KCNN2: variants seen among roughly 807,000 people sequenced by gnomAD.
KCNN2 encodes the protein potassium calcium-activated channel subfamily N member 2.
KCNN2 carries 24 observed loss-of-function variants against 55.5 expected under a neutral mutation model. That is an observed-to-expected ratio of 0.43 (90% CI 0.31 to 0.61). The LOEUF (loss-of-function observed/expected upper bound fraction) is 0.61, where lower values mean the gene tolerates loss of function less well. Among genes scored for constraint, KCNN2 ranks in the 20% least tolerant of loss-of-function variants. KCNN2 has a pLI of 0.08. For synonymous variants in KCNN2, 431 were observed against 336.1 expected (o/e 1.28, Z -3.09); for missense variants, 754 against 853.6 (o/e 0.88, Z 1.45).
At chr5:114,269,900 A>G (rs2150007669) in intron 2 of KCNN2, among the ~76,000 whole-genome samples, 1 of 152,292 alleles carries the variant, frequency 6.6e-6, no homozygotes, top group East Asian at 1.9e-4. Flanking sequence ...AAAAGAATGA[A>G]ATGGAGGGTC....
At chr5:114,136,391 C>CTGTG in intron 1 of KCNN2, among the ~76,000 whole-genome samples, 1 of 152,292 alleles carries the variant, frequency 6.6e-6, no homozygotes, top group African/African-American at 2.4e-5. Flanking sequence ...GATGCTTGTG[C>CTGTG]TGTGCTCTTA....
intron 2 of KCNN2, among the ~76,000 whole-genome samples, chr5:114,235,578 T>C (rs1266862848): frequency 6.6e-6 from 1 of 152,224 alleles, no homozygotes; most frequent in African/African-American, 2.4e-5. Context: ...TTAGAAACTA[T>C]CCATTTATAT....
chr5:114,182,352 T>C (rs1753256786), intron 1 of KCNN2, among the ~76,000 whole-genome samples: 1 of 152,092 alleles, frequency 6.6e-6, no homozygotes, highest in African/African-American at 2.4e-5. Context: ...TTTTAAAATG[T>C]GGATATGAGA....
intron 2 of KCNN2, among the ~76,000 whole-genome samples, chr5:114,284,254 C>T (rs971229851): frequency 2.0e-4 from 30 of 152,124 alleles, no homozygotes; most frequent in Non-Finnish European, 8.8e-5. Context: ...GTTTTTTAGT[C>T]ATCTTCAGCA....
intron 3 of KCNN2, among the ~76,000 whole-genome samples, chr5:114,457,279 A>C (rs1299220193): frequency 6.6e-6 from 1 of 152,200 alleles, no homozygotes; most frequent in Non-Finnish European, 1.5e-5. Flanking sequence ...TGACTCATTG[A>C]AGACTTAAAT....
chr5:114,292,052 T>A (rs1375823295), intron 2 of KCNN2, among the ~76,000 whole-genome samples: 1 of 152,094 alleles, frequency 6.6e-6, no homozygotes, highest in East Asian at 1.9e-4. Flanking sequence ...GTTTGTTTCT[T>A]GTAAATTTGT....
At chr5:114,275,194 G>T (rs192741807) in intron 2 of KCNN2, among the ~76,000 whole-genome samples, 9 of 152,204 alleles carry the variant, frequency 5.9e-5, no homozygotes, top group Admixed American at 2.0e-4. Context: ...TGACTTGATC[G>T]TGGTGGATAA....
intron 1 of KCNN2, among the ~76,000 whole-genome samples, chr5:114,071,390 T>C (rs1014827503): frequency 1.1e-4 from 16 of 152,186 alleles, no homozygotes; most frequent in African/African-American, 3.9e-4. Flanking sequence ...ACATTGTTCA[T>C]TTTCACTTTG....
intron 2 of KCNN2, among the ~76,000 whole-genome samples, chr5:114,283,961 A>C (rs1202116223): frequency 3.3e-5 from 5 of 152,196 alleles, no homozygotes; most frequent in Non-Finnish European, 5.9e-5. Flanking sequence ...GCTTGCCTTC[A>C]AGCCATTTCC....
intron 2 of KCNN2, among the ~76,000 whole-genome samples, chr5:114,235,417 T>G (rs960269908): frequency 1.3e-5 from 2 of 152,208 alleles, no homozygotes. Flanking sequence ...TTCATCACCT[T>G]AATTATAACA....
intron 1 of KCNN2, among the ~76,000 whole-genome samples, chr5:114,076,535 A>G (rs1184100776): frequency 6.6e-6 from 1 of 152,176 alleles, no homozygotes; most frequent in Non-Finnish European, 1.5e-5. Flanking sequence ...CACTGGCCAA[A>G]TCCCATGACA....
chr5:114,384,171 A>G (rs1283127315), intron 2 of KCNN2, among the ~76,000 whole-genome samples: 1 of 152,216 alleles, frequency 6.6e-6, no homozygotes, highest in Non-Finnish European at 1.5e-5. Flanking sequence ...AGTTGTAATC[A>G]TAAAACAAAT....
At chr5:114,474,199 T>TAA (rs1761873371) in intron 5 of KCNN2, among the ~76,000 whole-genome samples, 2 of 152,234 alleles carry the variant, frequency 1.3e-5, no homozygotes, top group African/African-American at 4.8e-5. Flanking sequence ...TTGTTTAATT[T>TAA]GGTTGATACT....
chr5:114,418,052 T>C (rs1759361248), intron 3 of KCNN2, among the ~76,000 whole-genome samples: 1 of 152,184 alleles, frequency 6.6e-6, no homozygotes, highest in Admixed American at 6.5e-5. Flanking sequence ...AGAAGAATGA[T>C]AATTAACACT....
chr5:114,398,141 A>T (rs891262915), intron 2 of KCNN2, among the ~76,000 whole-genome samples: 1 of 152,096 alleles, frequency 6.6e-6, no homozygotes, highest in Admixed American at 6.6e-5. Context: ...AGGTTATAGT[A>T]CAGGGTTTTT....
At chr5:114,402,540 T>G (rs1389176823) in intron 2 of KCNN2, among the ~76,000 whole-genome samples, 1 of 152,150 alleles carries the variant, frequency 6.6e-6, no homozygotes, top group Non-Finnish European at 1.5e-5. Flanking sequence ...AAACATTGCT[T>G]TAGACACATG....
chr5:114,073,926 G>A (rs1750627942), intron 1 of KCNN2, among the ~76,000 whole-genome samples: 1 of 152,158 alleles, frequency 6.6e-6, no homozygotes, highest in Non-Finnish European at 1.5e-5. Flanking sequence ...GGTTCCCTCA[G>A]TTTTGTACAC....
At chr5:114,120,093 G>A (rs563841373) in intron 1 of KCNN2, among the ~76,000 whole-genome samples, 1 of 152,208 alleles carries the variant, frequency 6.6e-6, no homozygotes, top group East Asian at 1.9e-4. Flanking sequence ...CATTTATCCA[G>A]GAAGCTCTTG....
intron 2 of KCNN2, among the ~76,000 whole-genome samples, chr5:114,239,961 G>A (rs941085196): frequency 3.2e-4 from 49 of 152,224 alleles, no homozygotes; most frequent in African/African-American, 1.1e-3. Flanking sequence ...CATTAAAAAG[G>A]TAATTCGTAT....
Sources: allele counts gnomAD v4.1 joint callset (sites outside exome capture counted in the v4.1 genomes callset), GRCh38; gene constraint gnomAD v4.1.1; transcripts MANE v1.5; gene names NCBI Gene and HGNC (gene_info 2026-07-23, HGNC 2026-07-21).